IL1RAPL2: variants seen among roughly 807,000 people sequenced by gnomAD.
IL1RAPL2 encodes the protein interleukin 1 receptor accessory protein like 2.
In IL1RAPL2, 3 loss-of-function variants were observed where a neutral mutation model predicts 44.1. The ratio of observed to expected loss-of-function variants is 0.07; its 90% confidence interval spans 0.03 to 0.18. The LOEUF (loss-of-function observed/expected upper bound fraction) is 0.18. Among genes scored for constraint, IL1RAPL2 ranks in the 10% least tolerant of loss-of-function variants. IL1RAPL2 has a pLI of 1.00. For missense variants in IL1RAPL2, 391 were observed against 496.4 expected, an observed-to-expected ratio of 0.79 and a Z score of 2.02; for synonymous variants, 181 against 178.8, an observed-to-expected ratio of 1.01 and a Z score of -0.10.
intron 6 of IL1RAPL2, among the ~76,000 whole-genome samples, chrX:105,570,500 T>C (rs1461498453): frequency 4.5e-5 from 5 of 112,200 alleles, no homozygotes; most frequent in Admixed American, 1.9e-4. Flanking sequence ...AGTTCTACTT[T>C]TATTTATTTA....
intron 5 of IL1RAPL2, among the ~76,000 whole-genome samples, chrX:105,313,335 T>G (rs2034812727): frequency 8.9e-6 from 1 of 112,135 alleles, no homozygotes. Flanking sequence ...CAGTAGGTAT[T>G]CTCTGTCAAT....
rs979256756 is a variant in IL1RAPL2, at chrX:104,797,198, C to A, written c.82+138203C>A. 2.2e-4 allele frequency among the ~76,000 whole-genome samples: 9 copies of A among 41,794 alleles called. 1 individual carries two copies. Among genetic ancestry groups the A allele is most frequent in the Admixed American group, 1.1e-3 (4 of 3,623 alleles). The allele number at this position is 41,794 out of a possible 115,157, so 36.3% of individuals were successfully genotyped here. Reference sequence around the variant, plus strand: ...ATGATCTCTTCAGCCCCCCCCCCCCCCCCGCAAAGTAATGTTTGCTATGAC... The same window carrying A: ...ATGATCTCTTCAGCCCCCCCCCCCCACCCGCAAAGTAATGTTTGCTATGAC... On this transcript the variant is annotated intron_variant, in intron 2 of 10. Coordinates refer to ENST00000372582, the MANE Select transcript of IL1RAPL2 (RefSeq NM_017416.2).
chrX:105,719,639 T>C (rs1602538002), intron 7 of IL1RAPL2, among the ~76,000 whole-genome samples: 1 of 110,793 alleles, frequency 9.0e-6, no homozygotes, highest in African/African-American at 3.3e-5. Context: ...AAATTGACCA[T>C]AGTGATAGTT....
At chrX:105,099,453 CTTT>C (rs36063657) in intron 2 of IL1RAPL2, among the ~76,000 whole-genome samples, 7 of 35,862 alleles carry the variant, frequency 2.0e-4, no homozygotes, top group East Asian at 1.4e-3. Context: ...GTGCCACATA[CTTT>C]TTTTTTTTTT....
chrX:105,725,037 T>C (rs1403532818), intron 7 of IL1RAPL2, among the ~76,000 whole-genome samples: 2 of 111,641 alleles, frequency 1.8e-5, no homozygotes, highest in African/African-American at 6.5e-5. Context: ...ACATAGCTAA[T>C]TTAAAAAGTC....
At chrX:105,500,766 C>A (rs980331483) in intron 6 of IL1RAPL2, among the ~76,000 whole-genome samples, 2 of 111,936 alleles carry the variant, frequency 1.8e-5, no homozygotes, top group Non-Finnish European at 3.8e-5. Flanking sequence ...CTTCTTCAGT[C>A]TCATCATTCT....
chrX:105,256,032 T>A (rs2034311650), intron 4 of IL1RAPL2, among the ~76,000 whole-genome samples: 1 of 112,097 alleles, frequency 8.9e-6, no homozygotes, highest in Non-Finnish European at 1.9e-5. Context: ...TAACTTTAGA[T>A]GTGCTGCTGG....
intron 3 of IL1RAPL2, among the ~76,000 whole-genome samples, chrX:105,214,100 G>A (rs1454265582): frequency 1.9e-5 from 2 of 103,155 alleles, no homozygotes; most frequent in Non-Finnish European, 3.9e-5. Context: ...ATGATGACAG[G>A]ATCAAATTCA....
chrX:105,042,422 T>C (rs1329950560), intron 2 of IL1RAPL2, among the ~76,000 whole-genome samples: 1 of 109,544 alleles, frequency 9.1e-6, no homozygotes, highest in South Asian at 4.0e-4. Context: ...GCGAAGGATA[T>C]GAACAGACAC....
At chrX:105,589,362 T>G (rs1326213816) in intron 6 of IL1RAPL2, among the ~76,000 whole-genome samples, 1 of 111,709 alleles carries the variant, frequency 9.0e-6, no homozygotes, top group Non-Finnish European at 1.9e-5. Context: ...ATGGTTTCTT[T>G]TGCTGTGCAG....
chrX:105,542,285 A>G (rs1003613479), intron 6 of IL1RAPL2, among the ~76,000 whole-genome samples: 1 of 112,122 alleles, frequency 8.9e-6, no homozygotes, highest in African/African-American at 3.2e-5. Flanking sequence ...ACACAGCTTT[A>G]TACTATTTTA....
intron 2 of IL1RAPL2, among the ~76,000 whole-genome samples, chrX:104,995,324 C>T (rs960556835): frequency 9.0e-6 from 1 of 111,655 alleles, no homozygotes; most frequent in Admixed American, 9.6e-5. Flanking sequence ...AAAAAAGTGC[C>T]TGGCACATAG....
At chrX:105,686,713 A>G (rs1380002364) in intron 6 of IL1RAPL2, among the ~76,000 whole-genome samples, 3 of 111,540 alleles carry the variant, frequency 2.7e-5, no homozygotes, top group Non-Finnish European at 5.6e-5. Context: ...CAGCTCTGCA[A>G]CAAGCAGACC....
rs746811286 is a variant in IL1RAPL2 at position 105,267,604 on chromosome X, C to T, written c.697+63C>T. On this transcript the variant is annotated intron_variant, in intron 5 of 10. Transcript: ENST00000372582. ...TTTAAGTATAATTTGGTTTGGGAAGCAAGAGTTTTGTTCAAAGAGTCAACT... is the reference window on the plus strand; with the variant it reads ...TTTAAGTATAATTTGGTTTGGGAAGTAAGAGTTTTGTTCAAAGAGTCAACT... 9.8e-6 allele frequency: 9 copies of T among 914,511 alleles called. No homozygotes were observed. The South Asian group carries it at 2.4e-4, about 24-fold the overall frequency. The allele number at this position is 914,511 out of a possible 1,213,427, so 75.4% of individuals were successfully genotyped here.
intron 6 of IL1RAPL2, among the ~76,000 whole-genome samples, chrX:105,669,963 T>C (rs1397402628): frequency 9.6e-6 from 1 of 104,476 alleles, no homozygotes; most frequent in South Asian, 4.4e-4. Flanking sequence ...CGGTTCATTA[T>C]TTTTTGCCTA....
Position 105,646,950 on chromosome X carries a change from G to A in IL1RAPL2, c.773-70417G>A, listed in dbSNP as rs773695578. Among the ~76,000 whole-genome samples, 8 of 112,514 alleles carry A rather than the reference G, an allele frequency of 7.1e-5. No individual in the cohort carries two copies. The South Asian group carries it at 1.1e-3, about 15-fold the overall frequency. ...GGTGGTGGGCCGCTCCCAAGATGGC[G>A]GCAAGCCTTTTGTTCTCTGACTTGG... On this transcript the variant is annotated intron_variant, in intron 6 of 10. Transcript: ENST00000372582.
chrX:105,400,590 A>G (rs937118132), intron 5 of IL1RAPL2, among the ~76,000 whole-genome samples: 2 of 111,579 alleles, frequency 1.8e-5, no homozygotes, highest in African/African-American at 6.5e-5. Flanking sequence ...AGAATATATT[A>G]AGGGAAATAC....
chrX:105,126,863 T>C (rs1390960068), intron 2 of IL1RAPL2, among the ~76,000 whole-genome samples: 1 of 111,069 alleles, frequency 9.0e-6, no homozygotes, highest in Non-Finnish European at 1.9e-5. Context: ...ATACCAGATA[T>C]TCAGTATTCT....
chrX:105,110,429 C>T (rs2032789473), intron 2 of IL1RAPL2, among the ~76,000 whole-genome samples: 1 of 112,076 alleles, frequency 8.9e-6, no homozygotes, highest in Non-Finnish European at 1.9e-5. Context: ...AATAGCCACA[C>T]ATGGAACCCC....
Sources: allele counts gnomAD v4.1 joint callset (sites outside exome capture counted in the v4.1 genomes callset), GRCh38; gene constraint gnomAD v4.1.1; transcripts MANE v1.5; gene names NCBI Gene and HGNC (gene_info 2026-07-23, HGNC 2026-07-21).